ASIC2: variants seen among roughly 807,000 people sequenced by gnomAD.
ASIC2 encodes acid-sensing ion channel 2.
Under a neutral mutation model 57.3 loss-of-function variants are expected in ASIC2, and 25 were observed. The ratio of observed to expected loss-of-function variants is 0.44; its 90% CI spans 0.32 to 0.61. ASIC2 has a LOEUF of 0.61. Ranked by LOEUF, ASIC2 falls within the 20% of genes least tolerant of loss-of-function variation. ASIC2 has a pLI of 0.06. For synonymous variants in ASIC2, 319 were observed against 307.5 expected, an observed-to-expected ratio of 1.04 and a Z score of -0.39; for missense variants, 641 against 738.1, an observed-to-expected ratio of 0.87 and a Z score of 1.52.
chr17:33,902,170 CAGG>C (rs1915244450), intron 1 of ASIC2, among the ~76,000 whole-genome samples: 1 of 152,088 alleles, frequency 6.6e-6, no homozygotes, highest in South Asian at 2.1e-4. Context: ...TCTCCTGCAG[CAGG>C]AGATGTGACT....
intron 1 of ASIC2, among the ~76,000 whole-genome samples, chr17:33,463,047 T>G (rs544944345): frequency 6.6e-6 from 1 of 152,340 alleles, no homozygotes; most frequent in East Asian, 1.9e-4. Flanking sequence ...GATACATTCC[T>G]GTTCTTATTT....
intron 1 of ASIC2, among the ~76,000 whole-genome samples, chr17:33,321,934 T>C (rs1210187916): frequency 1.3e-5 from 2 of 152,144 alleles, no homozygotes; most frequent in Non-Finnish European, 2.9e-5. Flanking sequence ...TAAACTGTAG[T>C]GGGAACAGTG....
At chr17:33,530,766 G>A (rs974690983) in intron 1 of ASIC2, among the ~76,000 whole-genome samples, 4 of 152,212 alleles carry the variant, frequency 2.6e-5, no homozygotes, top group Admixed American at 6.5e-5. Flanking sequence ...AACCTCACAG[G>A]TACCAAGGGG....
chr17:34,064,378 A>G (rs1331049749), intron 1 of ASIC2, among the ~76,000 whole-genome samples: 1 of 152,210 alleles, frequency 6.6e-6, no homozygotes, highest in African/African-American at 2.4e-5. Context: ...AAATCAACTC[A>G]AGTTGGATTA....
At chr17:33,020,443 C>T (rs1395434919) in intron 7 of ASIC2, among the ~76,000 whole-genome samples, 2 of 152,172 alleles carry the variant, frequency 1.3e-5, no homozygotes, top group Non-Finnish European at 2.9e-5. Context: ...AGGGAGACAA[C>T]AGCTATTTCT....
At chr17:33,957,646 C>T (rs1200483069) in intron 1 of ASIC2, among the ~76,000 whole-genome samples, 1 of 152,144 alleles carries the variant, frequency 6.6e-6, no homozygotes. Context: ...TCAATTACCT[C>T]CCACCAGTTC....
At chr17:33,594,274 C>G (rs1472199432) in intron 1 of ASIC2, among the ~76,000 whole-genome samples, 1 of 152,254 alleles carries the variant, frequency 6.6e-6, no homozygotes, top group East Asian at 1.9e-4. Flanking sequence ...GCTTTCAGAG[C>G]TGTCTCTGGT....
Position 33,427,172 on chromosome 17 carries a change from A to G in ASIC2, c.556-315105T>C, listed in dbSNP as rs1035831379. Among the ~76,000 whole-genome samples the G allele has an allele frequency of 4.6e-5, 7 of 152,316 alleles. No individual in the cohort carries two copies. In the South Asian group the frequency reaches 8.3e-4, roughly 18 times the overall value. On this transcript the variant is annotated intron_variant, in intron 1 of 9. Coordinates refer to the ASIC2 transcript ENST00000359872. ...GGGACTTACCCCCGTGATTGTTGGG[A>G]GACCATCGCTCAATTTTAAACAGGA...
At chr17:33,781,240 A>C (rs543383522) in intron 1 of ASIC2, among the ~76,000 whole-genome samples, 29 of 152,278 alleles carry the variant, frequency 1.9e-4, no homozygotes, top group Admixed American at 1.6e-3. Context: ...AAATGACCAA[A>C]GCTTTGCCCC....
chr17:33,764,676 C>G (rs1236366732), intron 1 of ASIC2, among the ~76,000 whole-genome samples: 1 of 152,104 alleles, frequency 6.6e-6, no homozygotes, highest in African/African-American at 2.4e-5. Context: ...CCTATTCATC[C>G]TTTAATTCAT....
At chr17:33,958,968 C>A (rs1291754424) in intron 1 of ASIC2, among the ~76,000 whole-genome samples, 2 of 152,158 alleles carry the variant, frequency 1.3e-5, no homozygotes, top group African/African-American at 4.8e-5. Context: ...CCACAGATCT[C>A]TAGGGCAGGG....
At chr17:34,155,859 T>A (rs1457048380) in intron 1 of ASIC2, 1 of 1,181,210 alleles carries the variant, frequency 8.5e-7, no homozygotes, top group Non-Finnish European at 1.2e-6. Context: ...GGCCTTCAGG[T>A]GAGGCACTGC....
chr17:33,063,788 C>T (rs1210259259), intron 3 of ASIC2, among the ~76,000 whole-genome samples: 1 of 152,154 alleles, frequency 6.6e-6, no homozygotes, highest in East Asian at 1.9e-4. Flanking sequence ...CCGTCACTTT[C>T]AGGTACACCA....
rs1912248674 is a variant in ASIC2 at position 34,140,689 on chromosome 17, T to TA, written c.555+15288dup. On this transcript the variant is annotated intron_variant, in intron 1 of 9. Coordinates refer to the ASIC2 transcript ENST00000359872. Reference sequence around the variant, plus strand: ...ATGTGGGAAAATTTGAGTTTCAAAATAAACAATATTATCAGACTGTAACCT... The same window carrying TA: ...ATGTGGGAAAATTTGAGTTTCAAAATAAAACAATATTATCAGACTGTAACCT... Among the ~76,000 whole-genome samples, 3 of 152,230 alleles carry TA rather than the reference T, an allele frequency of 2.0e-5. No homozygotes were observed. The South Asian group carries it at 6.2e-4, about 32-fold the overall frequency.
At chr17:33,549,619 G>A (rs55937212) in intron 1 of ASIC2, among the ~76,000 whole-genome samples, 17,880 of 152,224 alleles carry the variant, frequency 0.12, 1,305 homozygotes, top group South Asian at 0.28. Flanking sequence ...TGGCTGTTGA[G>A]TGGGCATGCT....
chr17:33,636,566 G>A (rs1433633133), intron 1 of ASIC2, among the ~76,000 whole-genome samples: 2 of 152,074 alleles, frequency 1.3e-5, no homozygotes, highest in Non-Finnish European at 2.9e-5. Flanking sequence ...ATCTCCATAC[G>A]GCTGCCCTGA....
At chr17:33,506,730 A>T (rs1007273240) in intron 1 of ASIC2, among the ~76,000 whole-genome samples, 34 of 152,318 alleles carry the variant, frequency 2.2e-4, no homozygotes, top group Admixed American at 4.6e-4. Flanking sequence ...AAGCTCATCG[A>T]TCTCTCGGAT....
intron 1 of ASIC2, among the ~76,000 whole-genome samples, chr17:33,661,576 C>T (rs1291199666): frequency 6.6e-6 from 1 of 152,194 alleles, no homozygotes; most frequent in Non-Finnish European, 1.5e-5. Flanking sequence ...AAGTGTCCTT[C>T]CTTCAGAACC....
chr17:34,156,184 G>A lies in ASIC2; in HGVS notation c.349C>T (p.Leu117=). 26 of 1,614,118 alleles carry A rather than the reference G, an allele frequency of 1.6e-5. No homozygotes were observed. Among genetic ancestry groups the A allele is most frequent in the Non-Finnish European group, 2.2e-5 (26 of 1,180,018 alleles). The change falls in exon 1 of 10, where the codon CTG becomes TTG. Residue 117 remains leucine (L), a synonymous_variant. Coordinates refer to the ASIC2 transcript ENST00000359872. This position sits in a 1 kb window ranked among gnomAD's most constrained non-coding sequence, Gnocchi z 4.4. ...TCCGGGATCTGCAGGTTGACATCCA[G>A]CAGGGCCAGCAGCTCCCCAGCATGG...
Sources: allele counts gnomAD v4.1 joint callset (sites outside exome capture counted in the v4.1 genomes callset), GRCh38; gene constraint gnomAD v4.1.1; non-coding constraint Gnocchi (gnomAD v3.1); transcripts MANE v1.5; gene names NCBI Gene and HGNC (gene_info 2026-07-23, HGNC 2026-07-21).